Variants in COL5A2 observed in about 807,000 individuals in gnomAD.
COL5A2 encodes the protein collagen type V alpha 2 chain, also known as collagen alpha-2(V) chain.
A neutral mutation model predicts 208.2 loss-of-function variants in COL5A2; 23 were observed. The ratio of observed to expected loss-of-function variants is 0.11; its 90% CI spans 0.08 to 0.16. COL5A2 has a LOEUF of 0.16. Ranked by LOEUF, COL5A2 falls within the 10% of genes least tolerant of loss-of-function variation. The pLI, the probability that COL5A2 is intolerant of heterozygous loss-of-function variation, is 1.00. For missense variants in COL5A2, 1,590 were observed against 1,956.4 expected (o/e 0.81, Z 3.53); for synonymous variants, 625 against 628.5 (o/e 0.99, Z 0.08).
chr2:189,236,003 A>T, the COL5A2 span, among the ~76,000 whole-genome samples: 2 of 131,852 alleles, frequency 1.5e-5, no homozygotes, highest in Admixed American at 1.5e-4. Flanking sequence ...ATCCCCCAAT[A>T]AAAAAAAAAA....
At chr2:189,327,585 C>T in the COL5A2 span, among the ~76,000 whole-genome samples, 2 of 152,008 alleles carry the variant, frequency 1.3e-5, no homozygotes, top group African/African-American at 2.4e-5. Context: ...CCTTTTGGTG[C>T]ATTAAATGAA....
intron 1 of COL5A2, among the ~76,000 whole-genome samples, chr2:189,160,828 C>CTTTTT (rs1013116673): frequency 3.0e-5 from 4 of 132,014 alleles, no homozygotes; most frequent in Admixed American, 7.7e-5. Context: ...TTTCTTTTTC[C>CTTTTT]TTTTTTTTTT....
At chr2:189,119,357 C>T (rs1576539518) in intron 1 of COL5A2, among the ~76,000 whole-genome samples, 2 of 151,988 alleles carry the variant, frequency 1.3e-5, no homozygotes, top group East Asian at 3.9e-4. Flanking sequence ...TTACAAGTTT[C>T]TTTAGAAAAC....
intron 1 of COL5A2, among the ~76,000 whole-genome samples, chr2:189,144,530 G>A (rs1688001699): frequency 6.6e-6 from 1 of 151,142 alleles, no homozygotes; most frequent in Non-Finnish European, 1.5e-5. Context: ...AAATATATGT[G>A]CATACATACA....
chr2:189,194,881 T>C (rs1688977896), intron 1 of COL5A2, among the ~76,000 whole-genome samples: 1 of 152,156 alleles, frequency 6.6e-6, no homozygotes, highest in Admixed American at 6.5e-5. Flanking sequence ...ATTGGTTCTG[T>C]TTACATGATG....
At chr2:189,069,033 T>C in intron 18 of COL5A2, 149 bp from the exon 19 acceptor site, 4 of 678,298 alleles carry the variant, frequency 5.9e-6, no homozygotes, top group Non-Finnish European at 8.0e-6. Context: ...CCAACCAAGC[T>C]TAAGGAGCGC....
chr2:189,130,703 A>G lies in COL5A2; in HGVS notation c.98-20254T>C, dbSNP rs567665604. Among the ~76,000 whole-genome samples, 6 of 152,098 alleles carry G rather than the reference A, an allele frequency of 3.9e-5. No individual in the cohort carries two copies. The South Asian group carries it at 6.2e-4, about 16-fold the overall frequency. ...AGCATCTAGTATCTCTTCTACACAG[A>G]TAAGTTTCCATTCCATTTTACAAAT... On this transcript the variant is annotated intron_variant, in intron 1 of 53. Transcript: ENST00000374866.
chr2:189,124,981 T>G (rs1687580452), intron 1 of COL5A2, among the ~76,000 whole-genome samples: 2 of 152,152 alleles, frequency 1.3e-5, no homozygotes, highest in African/African-American at 4.8e-5. Flanking sequence ...GCATACTGAT[T>G]TAATGGCAGA....
intron 1 of COL5A2, among the ~76,000 whole-genome samples, chr2:189,168,128 C>A (rs1238734272): frequency 6.6e-6 from 1 of 151,618 alleles, no homozygotes; most frequent in Non-Finnish European, 1.5e-5. Context: ...TTAGTAGAGA[C>A]GGGGGTTTCA....
At chr2:189,242,702 CTA>C in the COL5A2 span, among the ~76,000 whole-genome samples, 1 of 152,156 alleles carries the variant, frequency 6.6e-6, no homozygotes, top group African/African-American at 2.4e-5. Context: ...TAAGTATAAA[CTA>C]TATTTTCAAA....
chr2:189,263,505 C>T, the COL5A2 span, among the ~76,000 whole-genome samples: 451 of 152,164 alleles, frequency 3.0e-3, 4 homozygotes, highest in Non-Finnish European at 4.9e-3. Flanking sequence ...ACTCATTACT[C>T]ACATGTTTGT....
At chr2:189,095,507 C>A (rs936182943) in intron 6 of COL5A2, among the ~76,000 whole-genome samples, 3 of 152,014 alleles carry the variant, frequency 2.0e-5, no homozygotes, top group Non-Finnish European at 4.4e-5. Context: ...TTCATACACA[C>A]ACACACAAAC....
At chr2:189,402,651 A>G in the COL5A2 span, among the ~76,000 whole-genome samples, 1 of 152,198 alleles carries the variant, frequency 6.6e-6, no homozygotes, top group Non-Finnish European at 1.5e-5. Context: ...TTAAATAGGG[A>G]ATCTTTCCCC....
intron 1 of COL5A2, among the ~76,000 whole-genome samples, chr2:189,158,703 T>A (rs1688302533): frequency 6.6e-6 from 1 of 152,098 alleles, no homozygotes; most frequent in Non-Finnish European, 1.5e-5. Flanking sequence ...TAAGAGTATC[T>A]CTGATACCTT....
chr2:189,213,087 A>C (rs1288335627), intron 1 of COL5A2, among the ~76,000 whole-genome samples: 2 of 151,784 alleles, frequency 1.3e-5, no homozygotes, highest in Non-Finnish European at 2.9e-5. Flanking sequence ...ACGGGGTTTC[A>C]CCATGTTGGT....
At chr2:189,066,701 AC>A in intron 22 of COL5A2, 27 bp downstream of exon 22, 1 of 1,584,930 alleles carries the variant, frequency 6.3e-7, no homozygotes, top group Non-Finnish European at 8.7e-7. Context: ...ACTATGTTCT[AC>A]TTATCATTAA....
chr2:189,286,963 A>G, the COL5A2 span, among the ~76,000 whole-genome samples: 1 of 152,302 alleles, frequency 6.6e-6, no homozygotes, highest in Admixed American at 6.5e-5. Flanking sequence ...ATGAACATCT[A>G]CTTTGTGGAT....
At chr2:189,355,173 G>A in the COL5A2 span, among the ~76,000 whole-genome samples, 7 of 151,928 alleles carry the variant, frequency 4.6e-5, no homozygotes, top group African/African-American at 7.3e-5. Flanking sequence ...ATTCTTTTGC[G>A]TTTGCTGAGG....
chr2:189,062,195 T>G (rs1028197908), intron 29 of COL5A2, among the ~76,000 whole-genome samples: 3 of 151,842 alleles, frequency 2.0e-5, no homozygotes, highest in African/African-American at 7.3e-5. Flanking sequence ...TTTTTTTTTT[T>G]TTTTTGGAGA....
Sources: allele counts gnomAD v4.1 joint callset (sites outside exome capture counted in the v4.1 genomes callset), GRCh38; gene constraint gnomAD v4.1.1; transcripts MANE v1.5; gene names NCBI Gene and HGNC (gene_info 2026-07-23, HGNC 2026-07-21).